Variants in COG5 observed in about 807,000 individuals in gnomAD.
COG5 encodes component of oligomeric golgi complex 5.
A neutral mutation model predicts 110.4 loss-of-function variants in COG5; 86 were observed. The observed-to-expected ratio is 0.78, with a 90% CI of 0.65 to 0.93. COG5 has a LOEUF of 0.93. Among genes scored for constraint, COG5 ranks in the 40% least tolerant of loss-of-function variants. COG5 has a pLI of 0.00. For missense variants in COG5, 1,077 were observed against 987.0 expected (o/e 1.09, Z -1.22); for synonymous variants, 360 against 334.6 (o/e 1.08, Z -0.83).
chr7:107,343,635 C>T lies in COG5; in HGVS notation c.1026+18398G>A, dbSNP rs536680290. Among the ~76,000 whole-genome samples the T allele has an allele frequency of 1.2e-4, 18 of 152,180 alleles. No individual in the cohort carries two copies. The East Asian group carries it at 1.7e-3, about 15-fold the overall frequency. ...GGCAGAGATTGCAGCGAGCTGACGT[C>T]GCACCACTGCACTCCCACGTAGAAG... On this transcript the variant is annotated intron_variant, in intron 10 of 21. Transcript: ENST00000297135.
At chr7:107,470,494 G>C (rs1020032410) in intron 6 of COG5, 4 of 152,132 alleles carry the variant, frequency 2.6e-5, no homozygotes, top group African/African-American at 9.7e-5. Flanking sequence ...AACCGGCATA[G>C]TGGGGTAAAA....
Position 107,288,960 on chromosome 7 carries a change from A to T in COG5, c.1314-5228T>A, listed in dbSNP as rs1397417157. ...TATATATATATATATATATATATAT[A>T]TATTTAAAAATTTATCTATATTTTT... On this transcript the variant is annotated intron_variant, in intron 12 of 21. Coordinates refer to ENST00000297135, the MANE Select transcript of COG5 (RefSeq NM_006348.5). Among the ~76,000 whole-genome samples the T allele has an allele frequency of 1.4e-4, 13 of 96,036 alleles. No homozygotes were observed. In the East Asian group the frequency reaches 3.4e-3, roughly 25 times the overall value. The allele number at this position is 96,036 out of a possible 152,430, so 63.0% of individuals were successfully genotyped here. A position where few individuals can be genotyped will look rare whatever the true frequency, so the allele number is the denominator to read the frequency against.
intron 7 of COG5, among the ~76,000 whole-genome samples, chr7:107,409,935 G>A (rs759425925): frequency 1.5e-4 from 23 of 152,154 alleles, no homozygotes; most frequent in Non-Finnish European, 2.8e-4. Context: ...GGAACTGGAC[G>A]TAATAAAAAA....
At chr7:107,530,613 A>C (rs983907746) in intron 5 of COG5, among the ~76,000 whole-genome samples, 30 of 151,064 alleles carry the variant, frequency 2.0e-4, no homozygotes, top group African/African-American at 6.6e-4. Context: ...AAAAAAAAAA[A>C]AAAAAAAAAA....
At chr7:107,508,892 T>A (rs1253279896) in intron 6 of COG5, among the ~76,000 whole-genome samples, 1 of 152,094 alleles carries the variant, frequency 6.6e-6, no homozygotes, top group Non-Finnish European at 1.5e-5. Flanking sequence ...CAAAAACCCT[T>A]CTGTACATCA....
At chr7:107,533,719 G>A (rs1295495024) in intron 5 of COG5, among the ~76,000 whole-genome samples, 6 of 151,548 alleles carry the variant, frequency 4.0e-5, no homozygotes, top group Non-Finnish European at 8.8e-5. Flanking sequence ...TGGGGAGAAT[G>A]GAACCAAGTT....
Position 107,248,428 on chromosome 7 carries a change from T to C in COG5, c.1821A>G (p.Ile607Met), listed in dbSNP as rs762032775. Residue 607 changes from isoleucine (I) to methionine (M), a missense_variant, in exon 17 of 22, where the codon ATA (isoleucine) becomes ATG (methionine). Coordinates refer to ENST00000297135, the MANE Select transcript of COG5 (RefSeq NM_006348.5). Reference sequence around the variant, plus strand: ...AGTCTTCTTGATGCATGGTGATGATTATGGCCTCTATAGCATCTCCCACAG... The same window carrying C: ...AGTCTTCTTGATGCATGGTGATGATCATGGCCTCTATAGCATCTCCCACAG... ...LTSVGDAIEA[I>M]IITMHQEDFS... 1.2e-6 allele frequency: 2 copies of C among 1,612,304 alleles called. No individual in the cohort carries two copies. Among genetic ancestry groups the C allele is most frequent in the Non-Finnish European group, 1.7e-6 (2 of 1,179,066 alleles).
chr7:107,427,720 T>C (rs978867833), intron 6 of COG5, among the ~76,000 whole-genome samples: 3 of 152,014 alleles, frequency 2.0e-5, no homozygotes, highest in African/African-American at 7.2e-5. Context: ...GTGCACCAGC[T>C]CAGCCTGTGG....
chr7:107,203,966 G>A (rs2116092247), intron 21 of COG5, among the ~76,000 whole-genome samples: 1 of 152,302 alleles, frequency 6.6e-6, no homozygotes, highest in African/African-American at 2.4e-5. Flanking sequence ...AACGGAATGG[G>A]CATTTGTGCC....
chr7:107,303,285 A>C (rs1365494670), intron 11 of COG5, among the ~76,000 whole-genome samples: 1 of 152,114 alleles, frequency 6.6e-6, no homozygotes, highest in Non-Finnish European at 1.5e-5. Context: ...ACAAATTACT[A>C]CTGAGGGTTT....
At chr7:107,473,228 T>C (rs1446352191) in intron 6 of COG5, among the ~76,000 whole-genome samples, 1 of 151,956 alleles carries the variant, frequency 6.6e-6, no homozygotes, top group African/African-American at 2.4e-5. Flanking sequence ...TATTTCTTAA[T>C]GTGATATTAA....
At chr7:107,404,207 TACTC>T (rs1458982527) in intron 7 of COG5, among the ~76,000 whole-genome samples, 1 of 152,140 alleles carries the variant, frequency 6.6e-6, no homozygotes, top group Non-Finnish European at 1.5e-5. Context: ...ATCAACTACA[TACTC>T]AATAAGAGAG....
intron 6 of COG5, among the ~76,000 whole-genome samples, chr7:107,467,283 C>A (rs2129105379): frequency 6.6e-6 from 1 of 152,128 alleles, no homozygotes; most frequent in South Asian, 2.1e-4. Context: ...ATTAATTGCA[C>A]AAAATATATT....
intron 6 of COG5, among the ~76,000 whole-genome samples, chr7:107,501,453 T>C (rs1798627845): frequency 6.6e-6 from 1 of 151,966 alleles, no homozygotes; most frequent in Non-Finnish European, 1.5e-5. Context: ...TAAACAACCA[T>C]ATGAAACAGA....
intron 16 of COG5, 77 bp from the exon 17 acceptor site, chr7:107,248,576 A>T (rs1035305540): frequency 2.1e-6 from 2 of 940,028 alleles, no homozygotes; most frequent in African/African-American, 3.3e-5. Context: ...GAGATGTGAG[A>T]AACACCGTGA....
Position 107,503,160 on chromosome 7 carries a change from T to G in COG5, c.538+24077A>C, listed in dbSNP as rs114997010. ...GTCTTAGATTGAAGTCTTTGATCCA[T>G]CTTGGGTTGATTTTTATATAAAGTG... On this transcript the variant is annotated intron_variant, in intron 6 of 21. Transcript: ENST00000297135. Among the ~76,000 whole-genome samples, 843 of 152,252 alleles carry G rather than the reference T, an allele frequency of 5.5e-3. 8 individuals carry two copies. Among genetic ancestry groups the G allele is most frequent in the African/African-American group, 0.02 (812 of 41,550 alleles).
At chr7:107,379,194 GA>G (rs1814891030) in intron 7 of COG5, among the ~76,000 whole-genome samples, 1 of 152,058 alleles carries the variant, frequency 6.6e-6, no homozygotes, top group South Asian at 2.1e-4. Flanking sequence ...GAAGGAGAAA[GA>G]AAATCCTTTA....
At chr7:107,344,748 TCCCAA>T (rs1811453360) in intron 10 of COG5, among the ~76,000 whole-genome samples, 1 of 152,146 alleles carries the variant, frequency 6.6e-6, no homozygotes, top group African/African-American at 2.4e-5. Context: ...GGTCTTGAAC[TCCCAA>T]CCTCAGGTGA....
At chr7:107,460,870 GATT>G (rs779181702) in intron 6 of COG5, among the ~76,000 whole-genome samples, 5 of 152,020 alleles carry the variant, frequency 3.3e-5, no homozygotes, top group Non-Finnish European at 5.9e-5. Flanking sequence ...AATGTAAACT[GATT>G]ATTCAAAAGA....
Sources: allele counts gnomAD v4.1 joint callset (sites outside exome capture counted in the v4.1 genomes callset), GRCh38; gene constraint gnomAD v4.1.1; transcripts MANE v1.5; gene names NCBI Gene and HGNC (gene_info 2026-07-23, HGNC 2026-07-21).